Variants in CTSA observed in about 807,000 individuals in gnomAD.
CTSA encodes lysosomal protective protein.
A neutral mutation model predicts 66.7 loss-of-function variants in CTSA; 42 were observed. The ratio of observed to expected loss-of-function variants is 0.63; its 90% CI spans 0.49 to 0.81. CTSA has a LOEUF of 0.81. Among genes scored for constraint, CTSA ranks in the 40% least tolerant of loss-of-function variants. The pLI, the probability that CTSA is intolerant of heterozygous loss-of-function variation, is 0.00. For missense variants in CTSA, 525 were observed against 610.9 expected, an observed-to-expected ratio of 0.86 and a Z score of 1.48; for synonymous variants, 225 against 248.6, an observed-to-expected ratio of 0.91 and a Z score of 0.89.
rs772808136 is a variant in CTSA, at chr20:45,891,670, G to C, written c.102G>C (p.Glu34Asp). ...GCGAGGCAGCCCCCGACCAGGACGA[G>C]ATCCAGCGCCTCCCCGGGCTGGCCA... ...SRGEAAPDQD[E>D]IQRLPGLAKQ... The change falls in exon 2 of 15, where the codon GAG becomes GAC. Residue 34 changes from glutamate (E) to aspartate (D), a missense_variant. Transcript: ENST00000646241. The surrounding 1 kb of genome is among the most constrained non-coding windows in gnomAD (Gnocchi z 4.6). The C allele has an allele frequency of 4.3e-6, 7 of 1,612,858 alleles. No homozygotes were observed. Among genetic ancestry groups the C allele is most frequent in the African/African-American group, 4.0e-5 (3 of 75,020 alleles).
intron 6 of CTSA, 116 bp downstream of exon 6, chr20:45,892,996 C>T: frequency 8.1e-7 from 1 of 1,240,322 alleles, no homozygotes; most frequent in Non-Finnish European, 1.2e-6. Flanking sequence ...CATAACCTCC[C>T]CACCACCGGC....
intron 11 of CTSA, 126 bp from the exon 12 acceptor site, chr20:45,896,839 A>T: frequency 1.2e-6 from 1 of 805,944 alleles, no homozygotes; most frequent in South Asian, 1.3e-5. Flanking sequence ...CCCCCCAAAA[A>T]GGGGAGTGGA....
rs748412560 is a variant in CTSA at position 45,895,007 on chromosome 20, CAG to C, written c.963_964del (p.Asp323Ter). 6 of 1,614,064 alleles carry C rather than the reference CAG, an allele frequency of 3.7e-6. No homozygotes were observed. In the Admixed American group the frequency reaches 5.0e-5, roughly 13 times the overall value. On this transcript the variant is annotated frameshift_variant, in exon 11 of 15. Coordinates refer to ENST00000646241, the MANE Select transcript of CTSA (RefSeq NM_000308.4). LOFTEE classifies it high-confidence loss of function. Reference sequence around the variant, plus strand: ...TGTGCCTTCCAGGCACTGCTGCGCTCAGGGGATAAAGTGCGCATGGACCCCCC... The same window carrying C: ...TGTGCCTTCCAGGCACTGCTGCGCTCGGGATAAAGTGCGCATGGACCCCCC...
Position 45,898,483 on chromosome 20 carries a change from A to G in CTSA, c.*33A>G. 1.3e-6 allele frequency: 2 copies of G among 1,589,498 alleles called. No individual in the cohort carries two copies. The highest frequency in any genetic ancestry group is 1.7e-6 in the Non-Finnish European group (2 of 1,159,330). On this transcript the variant is annotated 3_prime_UTR_variant, in exon 15 of 15. Transcript: ENST00000646241. The surrounding 1 kb of genome is among the most constrained non-coding windows in gnomAD (Gnocchi z 4.6). ...AGCAACCAGCTCCACGGCCTGATGC[A>G]GCCCCTCCCAGCCTCTCCCGCTAGG...
intron 11 of CTSA, among the ~76,000 whole-genome samples, chr20:45,895,774 A>G (rs1436530752): frequency 6.6e-6 from 1 of 152,056 alleles, no homozygotes; most frequent in Non-Finnish European, 1.5e-5. Context: ...TTGTAGAGAC[A>G]GGGTCTCACT....
In CTSA at chr20:45,898,289, A is replaced by C. The variant is rs2083134742; in HGVS notation, c.1360-78A>C. Reference sequence around the variant, plus strand: ...GGGAAGAATAAAGGGTTTGGGATGAAGGAATTGCCCCCGAGTGAGCAGTTA... The same window carrying C: ...GGGAAGAATAAAGGGTTTGGGATGACGGAATTGCCCCCGAGTGAGCAGTTA... On this transcript the variant is annotated intron_variant, in intron 14 of 14. Transcript: ENST00000646241. This position sits in a 1 kb window ranked among gnomAD's most constrained non-coding sequence, Gnocchi z 4.6. The C allele has an allele frequency of 2.9e-6, 4 of 1,403,132 alleles. No individual in the cohort carries two copies. The Admixed American group carries it at 7.6e-5, about 27-fold the overall frequency. 86.9% of individuals were successfully genotyped at this position (1,403,132 alleles called of 1,614,324 possible).
At position 45,896,472 on chromosome 20, in the gene CTSA, A is replaced by C. The variant is rs1197555890; in HGVS notation, c.1089-493A>C. The C allele has an allele frequency of 2.2e-5, 4 of 179,092 alleles. No homozygotes were observed. The East Asian group carries it at 4.5e-4, about 20-fold the overall frequency. The allele number at this position is 179,092 out of a possible 1,614,324, so 11.1% of individuals were successfully genotyped here. A position where few individuals can be genotyped will look rare whatever the true frequency, so the allele number is the denominator to read the frequency against. ...TTTTTTGAGATGGAGTCTTGCTGTC[A>C]CTCAGGCTGGAGTGCAGTGCTGCGA... On this transcript the variant is annotated intron_variant, in intron 11 of 14. Transcript: ENST00000646241.
chr20:45,895,458 A>ATG (rs1330260160), intron 11 of CTSA, among the ~76,000 whole-genome samples: 4 of 82,098 alleles, frequency 4.9e-5, no homozygotes, highest in South Asian at 4.4e-4. Flanking sequence ...GGGACTACAG[A>ATG]CGCACCACCA....
chr20:45,892,917 G>A (rs753841150), intron 6 of CTSA, 37 bp downstream of exon 6: 1 of 1,611,832 alleles, frequency 6.2e-7, no homozygotes, highest in Admixed American at 1.7e-5. Context: ...GAGGTAGCTT[G>A]AGGCTGTGGC....
chr20:45,894,856 G>A lies in CTSA; in HGVS notation c.903G>A (p.Leu301=), dbSNP rs1372301905. The change falls in exon 10 of 15, where the codon TTG becomes TTA. Residue 301 remains leucine (L), a synonymous_variant. Coordinates refer to ENST00000646241, the MANE Select transcript of CTSA (RefSeq NM_000308.4). ...AGGACACTGTTGTGGTCCAGGATTT[G>A]GGCAACATCTTCACTCGCCTGCCAC... ...YEKDTVVVQD[L]GNIFTRLPLK... The A allele has an allele frequency of 3.1e-6, 5 of 1,614,094 alleles. No individual in the cohort carries two copies. The highest frequency in any genetic ancestry group is 4.2e-6 in the Non-Finnish European group (5 of 1,180,022).
Position 45,891,599 on chromosome 20 carries a change from CTG to C in CTSA, c.32_33del (p.Leu11ProfsTer128), listed in dbSNP as rs1555832204. 5.1e-6 allele frequency: 1 copy of C among 196,460 alleles called. No homozygotes were observed. Among genetic ancestry groups the C allele is most frequent in the Non-Finnish European group, 6.8e-6 (1 of 147,506 alleles). 12.2% of individuals were successfully genotyped at this position (196,460 alleles called of 1,614,324 possible). A position where few individuals can be genotyped will look rare whatever the true frequency, so the allele number is the denominator to read the frequency against. ...CCGAGCCGCGCCGCCGCCGCTGTTC[CTG>C]CTGCTGCTGCTGCTGCTGCTGCTAG... MIRAAPPPLFLLLLLLLLLVS... is the reference protein window; with the variant it reads MIRAAPPPLFXLLLLLLLLVS... On this transcript the variant is annotated frameshift_variant, in exon 2 of 15. Transcript: ENST00000646241. LOFTEE classifies it high-confidence loss of function. The surrounding 1 kb of genome is among the most constrained non-coding windows in gnomAD (Gnocchi z 4.6).
rs747353852 is a variant in CTSA, at chr20:45,891,878, C to T, written c.195-38C>T. 2.5e-5 allele frequency: 41 copies of T among 1,609,102 alleles called. No individual in the cohort carries two copies. Among genetic ancestry groups the T allele is most frequent in the East Asian group, 1.1e-4 (5 of 44,860 alleles). Reference sequence around the variant, plus strand: ...GAGCCGGGAGGGCTGGAAAGGGCCCCTCCAACTGCGCCAACCCTGCCCTGA... The same window carrying T: ...GAGCCGGGAGGGCTGGAAAGGGCCCTTCCAACTGCGCCAACCCTGCCCTGA... On this transcript the variant is annotated intron_variant, in intron 2 of 14. Coordinates refer to ENST00000646241, the MANE Select transcript of CTSA (RefSeq NM_000308.4). The surrounding 1 kb of genome is among the most constrained non-coding windows in gnomAD (Gnocchi z 4.6).
rs1258363335 is a variant in CTSA, at chr20:45,898,227, T to A, written c.1359+118T>A. On this transcript the variant is annotated intron_variant, in intron 14 of 14. Coordinates refer to ENST00000646241, the MANE Select transcript of CTSA (RefSeq NM_000308.4). This position sits in a 1 kb window ranked among gnomAD's most constrained non-coding sequence, Gnocchi z 4.6. ...CATGGGTCACCATCTGGCCCCTGTA[T>A]GGGCAAGTTTTTTTGGAGAGGGGTG... 7.4e-7 allele frequency: 1 copy of A among 1,346,934 alleles called. No individual in the cohort carries two copies. The highest frequency in any genetic ancestry group is 1.0e-6 in the Non-Finnish European group (1 of 955,998). The allele number at this position is 1,346,934 out of a possible 1,614,324, so 83.4% of individuals were successfully genotyped here.
At chr20:45,894,773 C>T (rs1396182476) in intron 9 of CTSA, 32 bp downstream of exon 9, 3 of 1,609,152 alleles carry the variant, frequency 1.9e-6, no homozygotes, top group Middle Eastern at 1.7e-4. Context: ...TGGAGCCAAC[C>T]CCAGCCCCAT....
chr20:45,897,698 T>G lies in CTSA; in HGVS notation c.1165-19T>G, dbSNP rs756610787. 6.6e-6 allele frequency: 10 copies of G among 1,519,366 alleles called. No individual in the cohort carries two copies. The African/African-American group carries it at 1.2e-4, about 19-fold the overall frequency. 94.1% of individuals were successfully genotyped at this position (1,519,366 alleles called of 1,614,324 possible). A position where few individuals can be genotyped will look rare whatever the true frequency, so the allele number is the denominator to read the frequency against. On this transcript the variant is annotated intron_variant, in intron 12 of 14. Coordinates refer to ENST00000646241, the MANE Select transcript of CTSA (RefSeq NM_000308.4). ...TGGGCTTGTTCCACACCCCTCATTTTTACCCCATCCTGCTTTAGAAATACC... is the reference window on the plus strand; with the variant it reads ...TGGGCTTGTTCCACACCCCTCATTTGTACCCCATCCTGCTTTAGAAATACC...
intron 6 of CTSA, 115 bp downstream of exon 6, chr20:45,892,995 C>T (rs1987053134): frequency 7.9e-7 from 1 of 1,266,542 alleles, no homozygotes; most frequent in African/African-American, 1.5e-5. Flanking sequence ...GCATAACCTC[C>T]CCACCACCGG....
intron 7 of CTSA, 76 bp downstream of exon 7, chr20:45,893,387 G>C (rs1184961266): frequency 1.8e-6 from 2 of 1,103,074 alleles, no homozygotes; most frequent in Non-Finnish European, 2.8e-6. Context: ...CCAGGCACAT[G>C]ATATGACAGG....
chr20:45,897,527 T>C (rs1449284235), intron 12 of CTSA, 190 bp from the exon 13 acceptor site: 1 of 591,166 alleles, frequency 1.7e-6, no homozygotes, highest in African/African-American at 1.9e-5. Context: ...AATAATGATA[T>C]CTACCTTCAC....
chr20:45,892,820 T>C lies in CTSA; in HGVS notation c.540T>C (p.Ala180=). 6 of 1,614,178 alleles carry C rather than the reference T, an allele frequency of 3.7e-6. No homozygotes were observed. The highest frequency in any genetic ancestry group is 5.1e-6 in the Non-Finnish European group (6 of 1,180,030). ...TTTTCCTGACCGGGGAGAGCTATGC[T>C]GGCATCTACATCCCCACCCTGGCCG... ...NKLFLTGESY[A]GIYIPTLAVL... is the part of the protein sequence containing the mutation. The change falls in exon 6 of 15, where the codon GCT becomes GCC. Residue 180 remains alanine (A), a synonymous_variant. Transcript: ENST00000646241.
Sources: allele counts gnomAD v4.1 joint callset (sites outside exome capture counted in the v4.1 genomes callset), GRCh38; gene constraint gnomAD v4.1.1; non-coding constraint Gnocchi (gnomAD v3.1); transcripts MANE v1.5; gene names NCBI Gene and HGNC (gene_info 2026-07-23, HGNC 2026-07-21).